Variants in TBC1D10A observed in about 807,000 individuals in gnomAD.
TBC1D10A encodes the protein TBC1 domain family member 10A.
Under a neutral mutation model 52.9 loss-of-function variants are expected in TBC1D10A, and 24 were observed. The observed-to-expected ratio is 0.45, with a 90% CI of 0.33 to 0.64. The LOEUF (loss-of-function observed/expected upper bound fraction) is 0.64, where lower values mean the gene tolerates loss of function less well. TBC1D10A is among the 30% of genes least tolerant of loss of function. TBC1D10A has a pLI of 0.02. For missense variants in TBC1D10A, 602 were observed against 687.9 expected (o/e 0.88, Z 1.40); for synonymous variants, 278 against 282.9 (o/e 0.98, Z 0.17).
At chr22:30,296,917 C>T (rs1569159520) in intron 3 of TBC1D10A, 2 of 152,234 alleles carry the variant, frequency 1.3e-5, no homozygotes, top group Non-Finnish European at 2.9e-5. Context: ...GCCCAGGCAC[C>T]TTCATGGGAG....
intron 1 of TBC1D10A, among the ~76,000 whole-genome samples, chr22:30,314,191 A>ATC (rs1429199802): frequency 6.6e-6 from 1 of 152,184 alleles, no homozygotes; most frequent in Admixed American, 6.5e-5. Context: ...GGCCCTGCTC[A>ATC]TCTCTCCCTC....
chr22:30,293,030 A>T, intron 8 of TBC1D10A, 179 bp from the exon 9 acceptor site: 1 of 683,824 alleles, frequency 1.5e-6, no homozygotes, highest in Non-Finnish European at 2.5e-6. Context: ...GCTGAGTGCC[A>T]GGTGAGCTGG....
intron 4 of TBC1D10A, 26 bp from the exon 5 acceptor site, chr22:30,295,081 G>A (rs372324998): frequency 6.5e-5 from 105 of 1,609,256 alleles, no homozygotes; most frequent in Non-Finnish European, 8.5e-5. Flanking sequence ...GCAGAGCAGT[G>A]ATGACCGGGG....
intron 1 of TBC1D10A, chr22:30,305,607 G>A (rs1316121511): frequency 6.6e-6 from 1 of 152,408 alleles, no homozygotes; most frequent in African/African-American, 2.4e-5. Context: ...AGGCAGCTCA[G>A]AGGAGGTTCT....
intron 1 of TBC1D10A, chr22:30,318,858 A>T: frequency 2.7e-6 from 1 of 377,124 alleles, no homozygotes; most frequent in Non-Finnish European, 5.3e-6. Context: ...ACTTTTATGC[A>T]ACACAGGAGG....
At chr22:30,325,955 G>A (rs1267317851) in intron 1 of TBC1D10A, among the ~76,000 whole-genome samples, 10 of 152,094 alleles carry the variant, frequency 6.6e-5, no homozygotes, top group Non-Finnish European at 1.5e-5. Flanking sequence ...TGCTGGGAAG[G>A]GGGAGTACCT....
At chr22:30,304,341 A>T (rs1003653435) in intron 2 of TBC1D10A, among the ~76,000 whole-genome samples, 190 bp downstream of exon 2, 1 of 152,164 alleles carries the variant, frequency 6.6e-6, no homozygotes, top group Non-Finnish European at 1.5e-5. Context: ...ATCTGAAGTC[A>T]TTGTGTTAGG....
At chr22:30,294,372 G>A (rs931231112) in intron 6 of TBC1D10A, among the ~76,000 whole-genome samples, 3 of 152,226 alleles carry the variant, frequency 2.0e-5, no homozygotes, top group Non-Finnish European at 4.4e-5. Flanking sequence ...TAACAAGGCT[G>A]GAGCAGGACT....
intron 2 of TBC1D10A, chr22:30,299,839 C>T (rs1411004007): frequency 3.5e-5 from 9 of 255,512 alleles, no homozygotes; most frequent in South Asian, 4.4e-5. Flanking sequence ...TGGTGGCGGG[C>T]GCCTGTAATC....
At chr22:30,292,979 G>T in intron 8 of TBC1D10A, 128 bp from the exon 9 acceptor site, 1 of 1,054,546 alleles carries the variant, frequency 9.5e-7, no homozygotes, top group Non-Finnish European at 1.4e-6. Flanking sequence ...ACCCCAGGAA[G>T]GATGAGGGTC....
At chr22:30,318,705 T>C (rs1241089648) in intron 1 of TBC1D10A, 2 of 471,192 alleles carry the variant, frequency 4.2e-6, no homozygotes, top group Non-Finnish European at 4.4e-6. Context: ...ACTAATGATT[T>C]GCCAGCCTCT....
chr22:30,326,396 G>A (rs1249732989), intron 1 of TBC1D10A, among the ~76,000 whole-genome samples: 1 of 151,750 alleles, frequency 6.6e-6, no homozygotes, highest in African/African-American at 2.4e-5. Context: ...TGGAAGGAGG[G>A]CACAGTCGGT....
At chr22:30,299,409 G>C (rs201494712) in intron 3 of TBC1D10A, 35 bp downstream of exon 3, 3 of 1,601,956 alleles carry the variant, frequency 1.9e-6, no homozygotes, top group Non-Finnish European at 2.6e-6. Context: ...CAAGAGATGC[G>C]GAAGGGAGGG....
intron 1 of TBC1D10A, among the ~76,000 whole-genome samples, chr22:30,317,513 T>A (rs1930564187): frequency 6.6e-6 from 1 of 152,058 alleles, no homozygotes. Flanking sequence ...GGTCTCCAGA[T>A]CTCCGTTCAG....
At chr22:30,294,162 G>A (rs757271542) in intron 6 of TBC1D10A, 52 bp from the exon 7 acceptor site, 2 of 1,594,448 alleles carry the variant, frequency 1.3e-6, no homozygotes, top group South Asian at 1.1e-5. Context: ...CAGGAGCCAG[G>A]GCAGAGACTA....
intron 2 of TBC1D10A, among the ~76,000 whole-genome samples, chr22:30,303,581 G>T (rs887463554): frequency 6.6e-6 from 1 of 152,260 alleles, no homozygotes; most frequent in Non-Finnish European, 1.5e-5. Flanking sequence ...AAAGGAGTGG[G>T]GCTGGGCCCA....
At chr22:30,325,960 G>C (rs1392791412) in intron 1 of TBC1D10A, among the ~76,000 whole-genome samples, 5 of 152,112 alleles carry the variant, frequency 3.3e-5, no homozygotes, top group Non-Finnish European at 7.4e-5. Context: ...GGAAGGGGGA[G>C]TACCTGCCCA....
chr22:30,316,065 C>G (rs1470169116), intron 1 of TBC1D10A, among the ~76,000 whole-genome samples: 1 of 152,200 alleles, frequency 6.6e-6, no homozygotes, highest in East Asian at 1.9e-4. Flanking sequence ...TTTCCCATTG[C>G]TCCTATAAGG....
At chr22:30,313,341 ATGTGTGTGTGTGTGTGTGTG>A (rs6147586) in intron 1 of TBC1D10A, among the ~76,000 whole-genome samples, 1 of 138,022 alleles carries the variant, frequency 7.2e-6, no homozygotes, top group Non-Finnish European at 1.5e-5. Context: ...TGCTCAATAA[ATGTGTGTGTGTGTGTGTGTG>A]TGTGTGTGTG....
Sources: gnomAD v4.1 joint callset for allele counts (sites outside exome capture counted in the v4.1 genomes callset) on GRCh38, gnomAD v4.1.1 for gene constraint, MANE v1.5 for transcripts, NCBI Gene and HGNC (gene_info 2026-07-23, HGNC 2026-07-21) for gene names.